THSD7B: variants seen among roughly 807,000 people sequenced by gnomAD.
THSD7B encodes the protein thrombospondin type-1 domain-containing protein 7B.
Under a neutral mutation model 213.6 loss-of-function variants are expected in THSD7B, and 138 were observed. That is an observed-to-expected ratio of 0.65 (90% CI 0.56 to 0.74). THSD7B has a LOEUF of 0.74. Among genes scored for constraint, THSD7B ranks in the 30% least tolerant of loss-of-function variants. THSD7B has a pLI of 0.00. For missense variants in THSD7B, 1,931 were observed against 1,991.5 expected, an observed-to-expected ratio of 0.97 and a Z score of 0.58; for synonymous variants, 742 against 687.0, an observed-to-expected ratio of 1.08 and a Z score of -1.25.
intron 17 of THSD7B, among the ~76,000 whole-genome samples, chr2:137,611,219 C>CA (rs922007965): frequency 4.0e-5 from 6 of 151,594 alleles, no homozygotes; most frequent in African/African-American, 7.2e-5. Flanking sequence ...TTTTATATCA[C>CA]AAAAAACACA....
intron 12 of THSD7B, among the ~76,000 whole-genome samples, chr2:137,289,178 A>T (rs900035889): frequency 1.3e-5 from 2 of 151,870 alleles, no homozygotes; most frequent in Non-Finnish European, 2.9e-5. Flanking sequence ...TGTTTTTTTT[A>T]AAGTAAGTGA....
rs1686451063 is a variant in THSD7B at position 137,404,454 on chromosome 2, TATATATATATATATATATATACACACAC to T, written c.2501-1157_2501-1130del. On this transcript the variant is annotated intron_variant, in intron 12 of 27. Transcript: ENST00000409968. ...AGATATATATATATATATATATATA[TATATATATATATATATATATACACACAC>T]ACACACACACACACACACACACACA... Among the ~76,000 whole-genome samples the T allele has an allele frequency of 1.9e-5, 2 of 106,548 alleles. 1 individual carries two copies. The highest frequency in any genetic ancestry group is 7.9e-5 in the African/African-American group (2 of 25,232). The allele number at this position is 106,548 out of a possible 152,430, so 69.9% of individuals were successfully genotyped here.
chr2:137,500,325 A>T (rs1299865282), intron 15 of THSD7B, among the ~76,000 whole-genome samples: 1 of 152,226 alleles, frequency 6.6e-6, no homozygotes, highest in East Asian at 1.9e-4. Flanking sequence ...AATTAAAGCA[A>T]TTATTTGAAT....
chr2:137,515,981 G>C (rs1680060583), intron 15 of THSD7B, among the ~76,000 whole-genome samples: 1 of 152,214 alleles, frequency 6.6e-6, no homozygotes, highest in Non-Finnish European at 1.5e-5. Context: ...GCTCTTCTCT[G>C]CATGTCAGAT....
chr2:137,056,321 A>G (rs1687161687), intron 2 of THSD7B, 99 bp from the exon 3 acceptor site: 1 of 1,252,008 alleles, frequency 8.0e-7, no homozygotes, highest in Non-Finnish European at 1.1e-6. Context: ...CTAATTTCAT[A>G]CTGCTTGTGT....
rs115212641 is a variant in THSD7B at position 137,263,559 on chromosome 2, A to G, written c.2267-8974A>G. 2.6e-3 allele frequency among the ~76,000 whole-genome samples: 391 copies of G among 152,294 alleles called. 2 individuals carry two copies. The highest frequency in any genetic ancestry group is 9.1e-3 in the African/African-American group (378 of 41,552). On this transcript the variant is annotated intron_variant, in intron 10 of 27. Transcript: ENST00000409968. ...GATGATTATAAAAATTTAAGAATAT[A>G]GAGTACATTTTTTCAGGCAGTATTT...
chr2:137,231,277 A>C, intron 8 of THSD7B, 42 bp downstream of exon 8: 1 of 1,531,370 alleles, frequency 6.5e-7, no homozygotes, highest in Non-Finnish European at 8.8e-7. Flanking sequence ...TCATTAGCCC[A>C]ATTATTATCA....
At chr2:137,614,123 G>C (rs991302796) in intron 17 of THSD7B, among the ~76,000 whole-genome samples, 1 of 151,976 alleles carries the variant, frequency 6.6e-6, no homozygotes, top group Non-Finnish European at 1.5e-5. Flanking sequence ...TGCAGTGTTG[G>C]TTTTCTTTAT....
intron 15 of THSD7B, among the ~76,000 whole-genome samples, chr2:137,468,909 C>T (rs535539568): frequency 2.0e-5 from 3 of 152,108 alleles, no homozygotes; most frequent in South Asian, 2.1e-4. Flanking sequence ...TTTAATGTAT[C>T]GGTGTGGTCA....
chr2:137,233,223 TG>T, intron 9 of THSD7B, 90 bp downstream of exon 9: 1 of 1,242,804 alleles, frequency 8.0e-7, no homozygotes, highest in Non-Finnish European at 1.1e-6. Context: ...TAGATATTTC[TG>T]GGTCTCTGAT....
At chr2:137,568,838 A>C (rs1681294075) in intron 16 of THSD7B, among the ~76,000 whole-genome samples, 1 of 152,178 alleles carries the variant, frequency 6.6e-6, no homozygotes, top group Non-Finnish European at 1.5e-5. Context: ...CACCAAGCCT[A>C]ACCATATCAG....
chr2:136,920,739 G>A (rs1402085256), intron 2 of THSD7B, among the ~76,000 whole-genome samples: 1 of 152,116 alleles, frequency 6.6e-6, no homozygotes, highest in Non-Finnish European at 1.5e-5. Flanking sequence ...TGTCTGCACC[G>A]AGAGGCACCT....
At chr2:137,611,119 C>T (rs1170724445) in intron 17 of THSD7B, among the ~76,000 whole-genome samples, 6 of 151,532 alleles carry the variant, frequency 4.0e-5, no homozygotes, top group Admixed American at 3.9e-4. Flanking sequence ...TCATGACAGT[C>T]TATGTAATGG....
At chr2:137,181,263 C>T (rs1183292691) in intron 7 of THSD7B, among the ~76,000 whole-genome samples, 1 of 152,170 alleles carries the variant, frequency 6.6e-6, no homozygotes, top group Non-Finnish European at 1.5e-5. Context: ...CAGCTTTTCA[C>T]TCCTTCATCG....
At chr2:136,804,921 T>A (rs1425314209) in intron 1 of THSD7B, among the ~76,000 whole-genome samples, 1 of 152,146 alleles carries the variant, frequency 6.6e-6, no homozygotes, top group Non-Finnish European at 1.5e-5. Flanking sequence ...ATGGTGTCCC[T>A]ACAGTCATTC....
chr2:136,865,475 A>G (rs1156796689), intron 1 of THSD7B, among the ~76,000 whole-genome samples: 1 of 152,226 alleles, frequency 6.6e-6, no homozygotes, highest in Non-Finnish European at 1.5e-5. Context: ...GGAAATATTC[A>G]ATTACTGCAC....
At chr2:137,234,477 G>C (rs776459693) in intron 9 of THSD7B, among the ~76,000 whole-genome samples, 11 of 152,144 alleles carry the variant, frequency 7.2e-5, no homozygotes, top group Non-Finnish European at 1.5e-4. Context: ...ACACTGCCCA[G>C]AGCTTGTGTT....
intron 1 of THSD7B, among the ~76,000 whole-genome samples, chr2:136,862,364 G>A (rs1355668985): frequency 6.6e-6 from 1 of 152,108 alleles, no homozygotes; most frequent in Non-Finnish European, 1.5e-5. Flanking sequence ...TCAGTTTCAG[G>A]TATTATTAAC....
At chr2:137,615,180 G>A (rs1170093240) in intron 17 of THSD7B, among the ~76,000 whole-genome samples, 2 of 152,182 alleles carry the variant, frequency 1.3e-5, no homozygotes, top group African/African-American at 4.8e-5. Context: ...AGTAAAGAAA[G>A]TAAGAGGCAG....
Sources: allele counts gnomAD v4.1 joint callset (sites outside exome capture counted in the v4.1 genomes callset), GRCh38; gene constraint gnomAD v4.1.1; transcripts MANE v1.5; gene names NCBI Gene and HGNC (gene_info 2026-07-23, HGNC 2026-07-21).